The following SLC35F1 variants were observed in gnomAD, a reference collection of about 807,000 sequenced individuals.
The protein encoded by SLC35F1 is chromosome 6 open reading frame 169.
In SLC35F1, 14 loss-of-function variants were observed where a neutral mutation model predicts 48.7. The observed-to-expected ratio is 0.29, with a 90% CI of 0.19 to 0.45. SLC35F1 has a LOEUF of 0.45. Among genes scored for constraint, SLC35F1 ranks in the 20% least tolerant of loss-of-function variants. SLC35F1 has a pLI of 1.00. For missense variants in SLC35F1, 404 were observed against 500.0 expected (o/e 0.81, Z 1.83); for synonymous variants, 190 against 202.2 (o/e 0.94, Z 0.51).
intron 2 of SLC35F1, among the ~76,000 whole-genome samples, chr6:118,229,761 A>C (rs1775264646): frequency 6.6e-6 from 1 of 152,300 alleles, no homozygotes; most frequent in South Asian, 2.1e-4. Context: ...TTGTAAAGCA[A>C]GTGGACACTC....
chr6:118,209,660 A>G (rs1252033522), intron 2 of SLC35F1, among the ~76,000 whole-genome samples: 1 of 152,070 alleles, frequency 6.6e-6, no homozygotes, highest in Non-Finnish European at 1.5e-5. Flanking sequence ...ATTATATTAA[A>G]GATTATATAT....
At chr6:117,961,884 A>C (rs1776502688) in intron 1 of SLC35F1, among the ~76,000 whole-genome samples, 1 of 152,204 alleles carries the variant, frequency 6.6e-6, no homozygotes, top group Non-Finnish European at 1.5e-5. Flanking sequence ...CTAGTCTTAC[A>C]GTTTATACAT....
intron 1 of SLC35F1, among the ~76,000 whole-genome samples, chr6:118,094,008 C>T (rs150614656): frequency 1.7e-3 from 261 of 152,218 alleles, no homozygotes; most frequent in African/African-American, 5.9e-3. Flanking sequence ...GCATGTAAAC[C>T]GATCTTTGAA....
intron 1 of SLC35F1, among the ~76,000 whole-genome samples, chr6:117,973,065 A>G (rs1776663290): frequency 6.6e-6 from 1 of 152,220 alleles, no homozygotes; most frequent in Non-Finnish European, 1.5e-5. Context: ...ATAGAAATTT[A>G]TTTTTTTCAC....
At chr6:117,998,104 A>C (rs1409409355) in intron 1 of SLC35F1, among the ~76,000 whole-genome samples, 15 of 150,076 alleles carry the variant, frequency 1.0e-4, no homozygotes, top group African/African-American at 3.7e-4. Context: ...TGGAAAACAA[A>C]AAAAGGCAGG....
chr6:118,281,752 A>G (rs1011677168), intron 6 of SLC35F1, among the ~76,000 whole-genome samples: 6 of 152,126 alleles, frequency 3.9e-5, no homozygotes, highest in African/African-American at 7.2e-5. Flanking sequence ...CTGTTTCCCC[A>G]TCACCCATTT....
rs201281915 is a variant in SLC35F1 at position 118,039,808 on chromosome 6, GT to G, written c.174-114625del. 6.3e-4 allele frequency among the ~76,000 whole-genome samples: 75 copies of G among 119,172 alleles called. 3 individuals are homozygous for G. Among genetic ancestry groups the G allele is most frequent in the South Asian group, 2.3e-3 (8 of 3,518 alleles). 78.2% of individuals were successfully genotyped at this position (119,172 alleles called of 152,430 possible). The stretch of plus-strand genomic sequence containing the variant: ...TAAGCATCTCAGGATTGTTTTTTTT[GT>G]TTTTTTTTTTTGCTTCAGACTGGCT... On this transcript the variant is annotated intron_variant, in intron 1 of 7. Coordinates refer to ENST00000360388, the MANE Select transcript of SLC35F1 (RefSeq NM_001029858.4).
intron 1 of SLC35F1, among the ~76,000 whole-genome samples, chr6:118,132,987 A>G (rs1006197424): frequency 6.6e-6 from 1 of 152,168 alleles, no homozygotes; most frequent in African/African-American, 2.4e-5. Flanking sequence ...CAGTCCTTCC[A>G]GTGGAGGAAG....
chr6:118,117,953 A>G (rs544706447), intron 1 of SLC35F1, among the ~76,000 whole-genome samples: 1 of 152,286 alleles, frequency 6.6e-6, no homozygotes, highest in Middle Eastern at 3.4e-3. Context: ...TGATACGAAT[A>G]TAGCACAATT....
chr6:118,236,328 G>C (rs1238201968), intron 3 of SLC35F1, among the ~76,000 whole-genome samples: 2 of 152,044 alleles, frequency 1.3e-5, no homozygotes, highest in Non-Finnish European at 2.9e-5. Context: ...CACTGTAAAT[G>C]ATAAACTTAA....
At chr6:118,275,667 T>G (rs745668326) in intron 5 of SLC35F1, 52 bp downstream of exon 5, 3 of 1,553,078 alleles carry the variant, frequency 1.9e-6, no homozygotes, top group Admixed American at 3.6e-5. Context: ...TCAAGACTTA[T>G]TCTTACAATT....
At chr6:117,991,860 A>G (rs1310553389) in intron 1 of SLC35F1, among the ~76,000 whole-genome samples, 1 of 152,094 alleles carries the variant, frequency 6.6e-6, no homozygotes, top group Non-Finnish European at 1.5e-5. Context: ...ATATGTAGTG[A>G]CCACTTAAAA....
intron 1 of SLC35F1, among the ~76,000 whole-genome samples, chr6:117,966,142 C>CG (rs1279631936): frequency 3.0e-5 from 4 of 134,646 alleles, no homozygotes; most frequent in Non-Finnish European, 6.5e-5. Context: ...CCCCCCCCCC[C>CG]ACTCCCGCCC....
chr6:117,997,710 A>G (rs1777016738), intron 1 of SLC35F1, among the ~76,000 whole-genome samples: 1 of 152,232 alleles, frequency 6.6e-6, no homozygotes, highest in African/African-American at 2.4e-5. Flanking sequence ...AATCCTTTAC[A>G]GACAAGCAAA....
intron 2 of SLC35F1, among the ~76,000 whole-genome samples, chr6:118,174,999 A>G (rs1417331620): frequency 1.3e-5 from 2 of 152,118 alleles, no homozygotes; most frequent in Non-Finnish European, 2.9e-5. Flanking sequence ...CACAGCCAAG[A>G]TTGGAACCAG....
intron 1 of SLC35F1, among the ~76,000 whole-genome samples, chr6:117,971,352 C>A (rs1776635367): frequency 6.6e-6 from 1 of 152,232 alleles, no homozygotes; most frequent in African/African-American, 2.4e-5. Context: ...GGTACAGCCC[C>A]CCTCCCAGCT....
At chr6:117,962,626 A>G (rs1776513598) in intron 1 of SLC35F1, among the ~76,000 whole-genome samples, 1 of 152,092 alleles carries the variant, frequency 6.6e-6, no homozygotes, top group Non-Finnish European at 1.5e-5. Context: ...TGCAGGGAAG[A>G]TGTGAACGCC....
At chr6:118,252,423 A>G (rs1190784143) in intron 3 of SLC35F1, among the ~76,000 whole-genome samples, 1 of 152,136 alleles carries the variant, frequency 6.6e-6, no homozygotes, top group Non-Finnish European at 1.5e-5. Context: ...TTCCTTAGTT[A>G]TTGGCCTCAG....
intron 3 of SLC35F1, among the ~76,000 whole-genome samples, chr6:118,253,351 G>A (rs1372719352): frequency 6.6e-6 from 1 of 152,152 alleles, no homozygotes; most frequent in Non-Finnish European, 1.5e-5. Flanking sequence ...GGACTAAAAT[G>A]TGTCTGCTGG....
Sources: allele counts gnomAD v4.1 joint callset (sites outside exome capture counted in the v4.1 genomes callset), GRCh38; gene constraint gnomAD v4.1.1; transcripts MANE v1.5; gene names NCBI Gene and HGNC (gene_info 2026-07-23, HGNC 2026-07-21).